The following SUGCT variants were observed in gnomAD, a reference collection of about 807,000 sequenced individuals.
The protein encoded by SUGCT is succinyl-CoA:glutarate CoA-transferase.
A neutral mutation model predicts 55.0 loss-of-function variants in SUGCT; 41 were observed. That is an observed-to-expected ratio of 0.74 (90% CI 0.58 to 0.97). The LOEUF is 0.97. Ranked by LOEUF, SUGCT falls within the 50% of genes least tolerant of loss-of-function variation. The probability of loss-of-function intolerance (pLI) is 0.00; values close to 1 mark genes in which losing one functional copy is unlikely to be tolerated. For missense variants in SUGCT, 568 were observed against 547.8 expected (o/e 1.04, Z -0.37); for synonymous variants, 187 against 200.4 (o/e 0.93, Z 0.56).
intron 12 of SUGCT, among the ~76,000 whole-genome samples, chr7:40,562,767 G>C (rs547794812): frequency 2.0e-5 from 3 of 152,310 alleles, no homozygotes; most frequent in South Asian, 2.1e-4. Context: ...AGAAGGGTCA[G>C]ACAGAAGGAA....
the SUGCT span, among the ~76,000 whole-genome samples, chr7:41,031,770 T>G: frequency 6.6e-6 from 1 of 152,216 alleles, no homozygotes; most frequent in African/African-American, 2.4e-5. Flanking sequence ...CTTACTCTTC[T>G]CTGAGCACCC....
chr7:40,482,223 G>A (rs555962948), intron 11 of SUGCT, among the ~76,000 whole-genome samples: 1 of 152,238 alleles, frequency 6.6e-6, no homozygotes, highest in South Asian at 2.1e-4. Context: ...ACTTATGATA[G>A]ACCCTTATAG....
At chr7:40,289,287 TG>T (rs974906328) in intron 8 of SUGCT, among the ~76,000 whole-genome samples, 3 of 152,168 alleles carry the variant, frequency 2.0e-5, no homozygotes, top group East Asian at 1.9e-4. Flanking sequence ...TCCTTACCTG[TG>T]GGGGATACAT....
At chr7:40,720,984 T>G (rs995407837) in intron 12 of SUGCT, among the ~76,000 whole-genome samples, 1 of 152,216 alleles carries the variant, frequency 6.6e-6, no homozygotes, top group Non-Finnish European at 1.5e-5. Flanking sequence ...CACATAAGGT[T>G]AATTTTTTGA....
intron 1 of SUGCT, among the ~76,000 whole-genome samples, chr7:40,164,184 C>T (rs1014101301): frequency 1.0e-4 from 15 of 149,008 alleles, no homozygotes; most frequent in Admixed American, 6.1e-4. Context: ...AGTGCAGTGG[C>T]GCAATATTGG....
At chr7:40,964,217 C>G in the SUGCT span, among the ~76,000 whole-genome samples, 1 of 152,228 alleles carries the variant, frequency 6.6e-6, no homozygotes, top group East Asian at 1.9e-4. Context: ...TTGGATCTTG[C>G]CTATGTAGCT....
intron 11 of SUGCT, among the ~76,000 whole-genome samples, chr7:40,491,582 T>C (rs1304852698): frequency 6.6e-6 from 1 of 152,110 alleles, no homozygotes; most frequent in Non-Finnish European, 1.5e-5. Flanking sequence ...GCTGGTAATA[T>C]GGATTTGGAT....
intron 6 of SUGCT, chr7:40,217,416 T>A (rs1314719708): frequency 4.5e-6 from 2 of 446,352 alleles, no homozygotes; most frequent in Non-Finnish European, 9.0e-6. Flanking sequence ...TTTCCCATGT[T>A]GCCCAGGATG....
At position 40,179,195 on chromosome 7, in the gene SUGCT, A is replaced by G. The variant is rs149973046; in HGVS notation, c.101-1752A>G. On this transcript the variant is annotated intron_variant, in intron 1 of 13. Transcript: ENST00000335693. ...GGTTATCTCTGCTGTAAGCCATTGT[A>G]TTAATCTATTGCCATATAACAAACC... Among the ~76,000 whole-genome samples the G allele has an allele frequency of 9.7e-4, 148 of 152,314 alleles. 1 individual carries two copies. The highest frequency in any genetic ancestry group is 3.4e-3 in the African/African-American group (143 of 41,582).
chr7:40,580,691 G>T (rs1015119974), intron 12 of SUGCT, among the ~76,000 whole-genome samples: 1 of 152,210 alleles, frequency 6.6e-6, no homozygotes, highest in African/African-American at 2.4e-5. Context: ...GTGCAGTCAT[G>T]TGCCATGTAT....
chr7:40,239,602 G>T (rs1048338984), intron 7 of SUGCT, among the ~76,000 whole-genome samples: 5 of 152,198 alleles, frequency 3.3e-5, no homozygotes, highest in African/African-American at 9.7e-5. Flanking sequence ...ATGAAAAACT[G>T]TTGAGCTGGG....
At chr7:40,273,135 A>G (rs1006179004) in intron 7 of SUGCT, among the ~76,000 whole-genome samples, 3 of 152,212 alleles carry the variant, frequency 2.0e-5, no homozygotes, top group African/African-American at 4.8e-5. Flanking sequence ...AAGGCATTAC[A>G]TTACAACTTT....
At chr7:40,230,722 ACTT>A (rs533829204) in intron 6 of SUGCT, among the ~76,000 whole-genome samples, 11 of 152,152 alleles carry the variant, frequency 7.2e-5, no homozygotes, top group Non-Finnish European at 1.5e-4. Context: ...AAGTGGGATA[ACTT>A]CTTCTTAGGG....
At chr7:40,611,891 C>G (rs956005102) in intron 12 of SUGCT, among the ~76,000 whole-genome samples, 41 of 152,132 alleles carry the variant, frequency 2.7e-4, no homozygotes, top group Admixed American at 7.9e-4. Flanking sequence ...ATCTGTGCAG[C>G]CTGTATGCAG....
At chr7:40,777,720 G>A (rs1278804210) in intron 13 of SUGCT, among the ~76,000 whole-genome samples, 4 of 151,894 alleles carry the variant, frequency 2.6e-5, no homozygotes, top group African/African-American at 9.7e-5. Context: ...TTCCTTTGGG[G>A]GCCTTTTTTT....
At chr7:40,806,236 G>A (rs1043752895) in intron 13 of SUGCT, among the ~76,000 whole-genome samples, 2 of 152,128 alleles carry the variant, frequency 1.3e-5, no homozygotes, top group African/African-American at 4.8e-5. Context: ...AGGTTCCCAG[G>A]TGGTCCTGAG....
chr7:40,962,302 C>T, the SUGCT span, among the ~76,000 whole-genome samples: 2 of 152,006 alleles, frequency 1.3e-5, no homozygotes, highest in African/African-American at 4.8e-5. Context: ...CTCCAAGTTC[C>T]CTACCCAATT....
intron 1 of SUGCT, among the ~76,000 whole-genome samples, chr7:40,174,705 A>C (rs1784841008): frequency 6.6e-6 from 1 of 152,232 alleles, no homozygotes; most frequent in African/African-American, 2.4e-5. Flanking sequence ...AGAAAAAACA[A>C]AATTTCTGCC....
chr7:40,636,403 C>T (rs1800021594), intron 12 of SUGCT, among the ~76,000 whole-genome samples: 1 of 152,100 alleles, frequency 6.6e-6, no homozygotes, highest in Non-Finnish European at 1.5e-5. Context: ...AGCTGTATTG[C>T]CTCTGTCTGA....
Sources: allele counts gnomAD v4.1 joint callset (sites outside exome capture counted in the v4.1 genomes callset), GRCh38; gene constraint gnomAD v4.1.1; transcripts MANE v1.5; gene names NCBI Gene and HGNC (gene_info 2026-07-23, HGNC 2026-07-21).